Variants in ATG10 observed in about 807,000 individuals in gnomAD.
The protein encoded by ATG10 is ubiquitin-like-conjugating enzyme ATG10.
Under a neutral mutation model 32.1 loss-of-function variants are expected in ATG10, and 30 were observed. The ratio of observed to expected loss-of-function variants is 0.94; its 90% CI spans 0.70 to 1.27. ATG10 has a LOEUF of 1.27. ATG10 is among the 50% of genes most tolerant of loss of function. The probability of loss-of-function intolerance (pLI) is 0.00; values close to 1 mark genes in which losing one functional copy is unlikely to be tolerated. For synonymous variants in ATG10, 87 were observed against 91.5 expected (o/e 0.95, Z 0.28); for missense variants, 233 against 262.3 (o/e 0.89, Z 0.77).
intron 5 of ATG10, among the ~76,000 whole-genome samples, chr5:82,243,718 G>A (rs549688016): frequency 6.6e-6 from 1 of 152,188 alleles, no homozygotes; most frequent in African/African-American, 2.4e-5. Flanking sequence ...TTATAGGGGA[G>A]ATTTAAATTT....
chr5:81,997,209 G>A lies in ATG10; in HGVS notation c.108+9531G>A, dbSNP rs116266513. On this transcript the variant is annotated intron_variant, in intron 2 of 7. Transcript: ENST00000282185. ...AATGAACACAGATCCCACTGCCACC[G>A]CCCAACGAAGGACTTTGGTTGGCAT... Among the ~76,000 whole-genome samples the A allele has an allele frequency of 2.9e-3, 445 of 152,310 alleles. 1 individual carries two copies. Among genetic ancestry groups the A allele is most frequent in the Non-Finnish European group, 5.0e-3 (337 of 68,028 alleles).
At chr5:82,044,906 T>C (rs575173568) in intron 2 of ATG10, among the ~76,000 whole-genome samples, 1 of 152,218 alleles carries the variant, frequency 6.6e-6, no homozygotes, top group Non-Finnish European at 1.5e-5. Context: ...TCTGAGGATC[T>C]TGAGAATTAT....
chr5:81,987,460 A>G, intron 1 of ATG10, 99 bp from the exon 2 acceptor site: 2 of 851,310 alleles, frequency 2.3e-6, no homozygotes, highest in South Asian at 1.8e-5. Context: ...GCCATTCTAC[A>G]TCCCAAATTT....
chr5:81,993,324 T>TTTCCTCCC (rs1761521381), intron 2 of ATG10, among the ~76,000 whole-genome samples: 1 of 103,204 alleles, frequency 9.7e-6, no homozygotes, highest in African/African-American at 4.2e-5. Flanking sequence ...TCTTTCTTTC[T>TTTCCTCCC]TTCCTTCCTT....
At chr5:81,977,951 C>T (rs190367281) in intron 1 of ATG10, among the ~76,000 whole-genome samples, 5 of 152,282 alleles carry the variant, frequency 3.3e-5, no homozygotes, top group African/African-American at 1.2e-4. Flanking sequence ...CAAAAATGTC[C>T]AACCATTTCC....
chr5:81,986,284 T>G (rs1281646474), intron 1 of ATG10, among the ~76,000 whole-genome samples: 3 of 152,228 alleles, frequency 2.0e-5, no homozygotes, highest in Non-Finnish European at 4.4e-5. Flanking sequence ...GAACACACAG[T>G]TAACTGATGG....
intron 5 of ATG10, among the ~76,000 whole-genome samples, chr5:82,196,580 C>G (rs755909602): frequency 6.6e-6 from 1 of 152,120 alleles, no homozygotes; most frequent in Non-Finnish European, 1.5e-5. Context: ...GGTAGGGGTG[C>G]AAATTCATTC....
chr5:81,997,589 T>C (rs574245822), intron 2 of ATG10, among the ~76,000 whole-genome samples: 1 of 152,310 alleles, frequency 6.6e-6, no homozygotes, highest in African/African-American at 2.4e-5. Flanking sequence ...ATGACGATCA[T>C]TGAGATTCAG....
At chr5:82,072,174 A>G (rs559128948) in intron 3 of ATG10, among the ~76,000 whole-genome samples, 1 of 152,308 alleles carries the variant, frequency 6.6e-6, no homozygotes, top group South Asian at 2.1e-4. Context: ...TAGTATGAAC[A>G]TGTAGGTAGA....
rs188151826 is a variant in ATG10 at position 82,214,496 on chromosome 5, T to C, written c.453+35909T>C. Among the ~76,000 whole-genome samples the C allele has an allele frequency of 3.3e-5, 5 of 152,336 alleles. No individual in the cohort carries two copies. In the East Asian group the frequency reaches 9.6e-4, roughly 29 times the overall value. On this transcript the variant is annotated intron_variant, in intron 5 of 7. Transcript: ENST00000282185. ...AATTATAATTGGTTTCTAATTATAA[T>C]TACTATTATGATTAGGCTAATAGGA...
In ATG10 at chr5:82,194,083, A is replaced by T. The variant is rs572725062; in HGVS notation, c.453+15496A>T. Among the ~76,000 whole-genome samples, 173 of 152,296 alleles carry T rather than the reference A, an allele frequency of 1.1e-3. 2 individuals carry two copies. The highest frequency in any genetic ancestry group is 2.2e-3 in the Admixed American group (34 of 15,296). On this transcript the variant is annotated intron_variant, in intron 5 of 7. Transcript: ENST00000282185. ...CATCATTTCTTGTACTCCTGTCTCA[A>T]GAAATTATTGTGTCAACTAACTTGC...
At chr5:82,096,108 G>A (rs1229905278) in intron 3 of ATG10, among the ~76,000 whole-genome samples, 1 of 152,048 alleles carries the variant, frequency 6.6e-6, no homozygotes, top group South Asian at 2.1e-4. Flanking sequence ...AAAAACACTG[G>A]CACATCAGCT....
intron 2 of ATG10, among the ~76,000 whole-genome samples, chr5:82,048,224 C>G (rs1312722527): frequency 1.5e-5 from 2 of 132,070 alleles, no homozygotes; most frequent in African/African-American, 2.9e-5. Context: ...TCCATATGAA[C>G]TTTAAAGTAG....
At chr5:81,982,846 C>T (rs1223431790) in intron 1 of ATG10, among the ~76,000 whole-genome samples, 1 of 152,224 alleles carries the variant, frequency 6.6e-6, no homozygotes, top group African/African-American at 2.4e-5. Flanking sequence ...CCCGAGTGGA[C>T]ACAGCACATG....
intron 3 of ATG10, among the ~76,000 whole-genome samples, chr5:82,071,957 G>A (rs1366884389): frequency 6.6e-6 from 1 of 152,140 alleles, no homozygotes; most frequent in African/African-American, 2.4e-5. Flanking sequence ...ACCAGGAAGT[G>A]TCCAAAGAAT....
At chr5:82,065,817 A>T (rs1763926833) in intron 3 of ATG10, among the ~76,000 whole-genome samples, 1 of 152,172 alleles carries the variant, frequency 6.6e-6, no homozygotes, top group Non-Finnish European at 1.5e-5. Context: ...TACTTCAATT[A>T]GACAATTTTT....
At chr5:82,059,925 T>C (rs1436742551) in intron 3 of ATG10, among the ~76,000 whole-genome samples, 1 of 152,224 alleles carries the variant, frequency 6.6e-6, no homozygotes, top group East Asian at 1.9e-4. Context: ...AGGAAGCTTT[T>C]CAATTCATTA....
intron 3 of ATG10, among the ~76,000 whole-genome samples, chr5:82,081,993 T>G (rs1297885336): frequency 6.6e-6 from 1 of 152,172 alleles, no homozygotes; most frequent in Non-Finnish European, 1.5e-5. Flanking sequence ...GGTCCTGGAC[T>G]TGGAAACTTC....
intron 2 of ATG10, among the ~76,000 whole-genome samples, chr5:82,015,531 T>G (rs1434218236): frequency 6.6e-6 from 1 of 152,222 alleles, no homozygotes; most frequent in Non-Finnish European, 1.5e-5. Context: ...CGTGTCTTTT[T>G]ATTCTTTTTT....
Sources: gnomAD v4.1 joint callset for allele counts (sites outside exome capture counted in the v4.1 genomes callset) on GRCh38, gnomAD v4.1.1 for gene constraint, MANE v1.5 for transcripts, NCBI Gene and HGNC (gene_info 2026-07-23, HGNC 2026-07-21) for gene names.